The following GPC5 variants were observed in gnomAD, a reference collection of about 807,000 sequenced individuals.
The protein encoded by GPC5 is glypican 5, also known as glypican-5.
Under a neutral mutation model 53.9 loss-of-function variants are expected in GPC5, and 47 were observed. The ratio of observed to expected loss-of-function variants is 0.87; its 90% CI spans 0.69 to 1.11. The LOEUF (loss-of-function observed/expected upper bound fraction) is 1.11. Ranked by LOEUF, GPC5 falls within the 50% of genes most tolerant of loss-of-function variation. The probability of loss-of-function intolerance (pLI) is 0.00; values close to 1 mark genes in which losing one functional copy is unlikely to be tolerated. For synonymous variants in GPC5, 286 were observed against 263.3 expected (o/e 1.09, Z -0.84); for missense variants, 748 against 713.1 (o/e 1.05, Z -0.56).
chr13:91,481,020 G>A (rs999231691), intron 2 of GPC5, among the ~76,000 whole-genome samples: 7 of 151,854 alleles, frequency 4.6e-5, no homozygotes, highest in African/African-American at 1.7e-4. Context: ...GCTGATACCA[G>A]GGCAAATGGG....
At chr13:92,079,406 T>C (rs1253818503) in intron 6 of GPC5, among the ~76,000 whole-genome samples, 2 of 152,210 alleles carry the variant, frequency 1.3e-5, no homozygotes, top group African/African-American at 4.8e-5. Flanking sequence ...TGCTCTCCCT[T>C]CTAAAATCTT....
intron 7 of GPC5, among the ~76,000 whole-genome samples, chr13:92,860,289 C>A (rs1366284124): frequency 1.3e-5 from 2 of 152,096 alleles, no homozygotes; most frequent in African/African-American, 2.4e-5. Flanking sequence ...TTCATGAAGA[C>A]AGTTGCATTG....
chr13:91,772,945 C>G, intron 5 of GPC5, among the ~76,000 whole-genome samples: 1 of 151,952 alleles, frequency 6.6e-6, no homozygotes, highest in East Asian at 1.9e-4. Context: ...AGATTTTAGA[C>G]TATTAAAAAA....
intron 7 of GPC5, among the ~76,000 whole-genome samples, chr13:92,414,509 A>C (rs1236061675): frequency 2.0e-5 from 3 of 150,684 alleles, no homozygotes; most frequent in Non-Finnish European, 3.0e-5. Context: ...TGTCTCAAAA[A>C]AAAAAAAAAA....
chr13:91,742,551 G>T (rs1318911160), intron 4 of GPC5, among the ~76,000 whole-genome samples: 1 of 152,134 alleles, frequency 6.6e-6, no homozygotes, highest in East Asian at 1.9e-4. Context: ...CAACTATTTG[G>T]CACGAACTAG....
intron 5 of GPC5, among the ~76,000 whole-genome samples, chr13:91,787,754 T>C (rs939394222): frequency 6.6e-6 from 1 of 152,198 alleles, no homozygotes; most frequent in Admixed American, 6.5e-5. Context: ...TATATTTATG[T>C]AAAATTATGA....
At chr13:92,580,282 C>A (rs541461341) in intron 7 of GPC5, among the ~76,000 whole-genome samples, 1 of 152,274 alleles carries the variant, frequency 6.6e-6, no homozygotes, top group Non-Finnish European at 1.5e-5. Context: ...TTTGCAAAGA[C>A]TGGCAAATGT....
rs1881124026 is a variant in GPC5 at position 92,522,931 on chromosome 13, G to A, written c.1562-343351G>A. Among the ~76,000 whole-genome samples the A allele has an allele frequency of 2.0e-5, 3 of 151,938 alleles. No individual in the cohort carries two copies. The South Asian group carries it at 6.2e-4, about 32-fold the overall frequency. ...GTTTTTCAAAAAATAAATGTTTTTG[G>A]TAAAAACAATGTTTTATGGAAAACA... is the stretch of plus-strand genomic sequence containing the variant. On this transcript the variant is annotated intron_variant, in intron 7 of 7. Coordinates refer to ENST00000377067, the MANE Select transcript of GPC5 (RefSeq NM_004466.6).
intron 6 of GPC5, among the ~76,000 whole-genome samples, chr13:91,932,664 C>T (rs1269927979): frequency 1.3e-5 from 2 of 151,942 alleles, no homozygotes; most frequent in African/African-American, 2.4e-5. Context: ...TAGTCAATCA[C>T]ATTCCGAGGA....
At chr13:92,696,757 C>G (rs964807607) in intron 7 of GPC5, among the ~76,000 whole-genome samples, 2 of 152,152 alleles carry the variant, frequency 1.3e-5, no homozygotes, top group African/African-American at 2.4e-5. Flanking sequence ...GTGTTTTAGT[C>G]ATGAAGTCTT....
At position 91,802,824 on chromosome 13, in the gene GPC5, G is replaced by T. The variant is rs561045992; in HGVS notation, c.1280+46404G>T. On this transcript the variant is annotated intron_variant, in intron 5 of 7. Coordinates refer to ENST00000377067, the MANE Select transcript of GPC5 (RefSeq NM_004466.6). The stretch of plus-strand genomic sequence containing the variant: ...GACTCATTCTGTCTCTTCTACTTGA[G>T]AAATGAATGCTTTAAATAAGTTACC... 5.9e-5 allele frequency among the ~76,000 whole-genome samples: 9 copies of T among 152,208 alleles called. 1 individual carries two copies. Among genetic ancestry groups the T allele is most frequent in the Middle Eastern group, 3.4e-3 (1 of 294 alleles).
Position 92,269,026 on chromosome 13 carries a change from G to A in GPC5, c.1561+124037G>A, listed in dbSNP as rs1348925251. 2.0e-5 allele frequency among the ~76,000 whole-genome samples: 3 copies of A among 151,700 alleles called. No individual in the cohort carries two copies. The East Asian group carries it at 5.8e-4, about 29-fold the overall frequency. ...AATTTAGTAGATAAATAACCATTTG[G>A]TCTGTTTATACTCTTCAAATGCTTT... is the stretch of plus-strand genomic sequence containing the variant. On this transcript the variant is annotated intron_variant, in intron 7 of 7. Transcript: ENST00000377067.
intron 2 of GPC5, among the ~76,000 whole-genome samples, chr13:91,510,030 T>G (rs779694934): frequency 7.2e-5 from 11 of 152,158 alleles, no homozygotes; most frequent in Admixed American, 2.6e-4. Context: ...TTTCCTCTGT[T>G]TATACATTCT....
intron 6 of GPC5, among the ~76,000 whole-genome samples, chr13:91,931,347 T>C (rs185691634): frequency 6.6e-6 from 1 of 152,066 alleles, no homozygotes; most frequent in Non-Finnish European, 1.5e-5. Context: ...CTATTGAAGA[T>C]AGTATGATCT....
At chr13:91,750,242 A>G (rs546378656) in intron 4 of GPC5, among the ~76,000 whole-genome samples, 1 of 152,380 alleles carries the variant, frequency 6.6e-6, no homozygotes, top group South Asian at 2.1e-4. Context: ...GAGGCTTTGA[A>G]TAAATATTCA....
rs556246441 is a variant in GPC5, at chr13:92,220,309, C to T, written c.1561+75320C>T. Among the ~76,000 whole-genome samples the T allele has an allele frequency of 1.2e-4, 18 of 152,252 alleles. No homozygotes were observed. In the South Asian group the frequency reaches 2.1e-3, roughly 18 times the overall value. Reference sequence around the variant, plus strand: ...GGTTTACATTTTATTGGGGTGGCAGCAGAACAAGTGTCTAAGAACAGATAA... The same window carrying T: ...GGTTTACATTTTATTGGGGTGGCAGTAGAACAAGTGTCTAAGAACAGATAA... On this transcript the variant is annotated intron_variant, in intron 7 of 7. Coordinates refer to ENST00000377067, the MANE Select transcript of GPC5 (RefSeq NM_004466.6).
At chr13:91,828,468 G>A (rs2038609016) in intron 5 of GPC5, among the ~76,000 whole-genome samples, 1 of 151,950 alleles carries the variant, frequency 6.6e-6, no homozygotes, top group Admixed American at 6.6e-5. Flanking sequence ...TCACAGCAAT[G>A]TCACGTTGAT....
At chr13:92,443,543 CA>C (rs34863986) in intron 7 of GPC5, among the ~76,000 whole-genome samples, 46,181 of 151,634 alleles carry the variant, frequency 0.3, 7,919 homozygotes, top group East Asian at 0.61. Flanking sequence ...ACTTGTGTTA[CA>C]AAAAAAACAA....
chr13:92,290,306 G>C (rs1186268195), intron 7 of GPC5, among the ~76,000 whole-genome samples: 1 of 152,130 alleles, frequency 6.6e-6, no homozygotes. Flanking sequence ...TAAATTGTAT[G>C]AGGAAGTGGA....
Sources: gnomAD v4.1 joint callset for allele counts (sites outside exome capture counted in the v4.1 genomes callset) on GRCh38, gnomAD v4.1.1 for gene constraint, MANE v1.5 for transcripts, NCBI Gene and HGNC (gene_info 2026-07-23, HGNC 2026-07-21) for gene names.